ACSL6: variants seen among roughly 807,000 people sequenced by gnomAD.
ACSL6 encodes acyl-CoA synthetase long chain family member 6.
A neutral mutation model predicts 98.2 loss-of-function variants in ACSL6; 47 were observed. That is an observed-to-expected ratio of 0.48 (90% CI 0.38 to 0.61). The LOEUF (loss-of-function observed/expected upper bound fraction) is 0.61. Among genes scored for constraint, ACSL6 ranks in the 20% least tolerant of loss-of-function variants. ACSL6 has a pLI of 0.00. For synonymous variants in ACSL6, 362 were observed against 336.9 expected (o/e 1.07, Z -0.82); for missense variants, 761 against 913.4 (o/e 0.83, Z 2.15).
At position 131,981,119 on chromosome 5, in the gene ACSL6, G is replaced by A. The variant is rs564689934; in HGVS notation, c.916+4288C>T. On this transcript the variant is annotated intron_variant, in intron 9 of 20. Coordinates refer to ENST00000651883, the MANE Select transcript of ACSL6 (RefSeq NM_001009185.3). ...GGCCATCTCCTCCCTGGTACTTGGA[G>A]ACCTCCTTTCTCCCCCACCCACACC... is the stretch of plus-strand genomic sequence containing the variant. 5.9e-5 allele frequency among the ~76,000 whole-genome samples: 9 copies of A among 152,072 alleles called. No individual in the cohort carries two copies. In the East Asian group the frequency reaches 1.5e-3, roughly 26 times the overall value.
At chr5:131,961,467 C>T (rs1240640624) in intron 18 of ACSL6, among the ~76,000 whole-genome samples, 5 of 150,204 alleles carry the variant, frequency 3.3e-5, no homozygotes, top group Admixed American at 1.3e-4. Context: ...CTGAGGCAGG[C>T]ACAACACTTG....
In ACSL6 at chr5:131,973,033, C is replaced by T. The variant is rs551991234; in HGVS notation, c.1204-175G>A. Among the ~76,000 whole-genome samples, 45 of 152,262 alleles carry T rather than the reference C, an allele frequency of 3.0e-4. No individual in the cohort carries two copies. The South Asian group carries it at 9.1e-3, about 31-fold the overall frequency. On this transcript the variant is annotated intron_variant, in intron 12 of 20. Transcript: ENST00000651883. Reference sequence around the variant, plus strand: ...AAGGTTAACACTGCCAGGGTCCAGGCATGCTGTGAAGATGGAAGTTCCTGA... The same window carrying T: ...AAGGTTAACACTGCCAGGGTCCAGGTATGCTGTGAAGATGGAAGTTCCTGA...
Position 131,951,759 on chromosome 5 carries a change from G to C in ACSL6, c.*2475C>G, listed in dbSNP as rs1752171783. The C allele has an allele frequency of 1.9e-5, 3 of 161,782 alleles. No individual in the cohort carries two copies. The highest frequency in any genetic ancestry group is 4.1e-5 in the Non-Finnish European group (3 of 73,818). The allele number at this position is 161,782 out of a possible 1,614,324, so 10.0% of individuals were successfully genotyped here. Reference sequence around the variant, plus strand: ...CGCCACAACGCCCGGCTAATTTTTTGTATTTTTTTAGTAGAGACGGGGTTT... The same window carrying C: ...CGCCACAACGCCCGGCTAATTTTTTCTATTTTTTTAGTAGAGACGGGGTTT... On this transcript the variant is annotated 3_prime_UTR_variant, in exon 21 of 21. Coordinates refer to ENST00000651883, the MANE Select transcript of ACSL6 (RefSeq NM_001009185.3).
At chr5:132,006,122 C>T (rs1755394909) in intron 1 of ACSL6, among the ~76,000 whole-genome samples, 2 of 152,212 alleles carry the variant, frequency 1.3e-5, no homozygotes, top group South Asian at 2.1e-4. Flanking sequence ...GACGCCCCTA[C>T]TACATGCCTG....
Position 131,973,262 on chromosome 5 carries a change from T to C in ACSL6, c.1203+4A>G, listed in dbSNP as rs2149721850. 1 of 1,613,888 alleles carries C rather than the reference T, an allele frequency of 6.2e-7. No individual in the cohort carries two copies. The highest frequency in any genetic ancestry group is 8.5e-7 in the Non-Finnish European group (1 of 1,179,874). ...CCTGGCTGAAGACTCCCTGCAGAAC[T>C]TACCTTGTCGTACATCCGGTTCAGC... is the stretch of plus-strand genomic sequence containing the variant. On this transcript the variant is annotated splice_donor_region_variant and intron_variant, in intron 12 of 20. Transcript: ENST00000651883.
chr5:131,967,696 TA>T (rs1753091650), intron 16 of ACSL6, among the ~76,000 whole-genome samples: 2 of 144,664 alleles, frequency 1.4e-5, no homozygotes, highest in Admixed American at 1.4e-4. Context: ...ATAATAATAA[TA>T]ATTAATTAAT....
intron 20 of ACSL6, among the ~76,000 whole-genome samples, chr5:131,956,320 T>C (rs1020590922): frequency 2.0e-5 from 3 of 152,244 alleles, no homozygotes; most frequent in Admixed American, 1.3e-4. Flanking sequence ...ATTTGGAATA[T>C]TGCCGATCCA....
At chr5:131,975,810 AC>A (rs1230934274) in intron 10 of ACSL6, 4 of 985,056 alleles carry the variant, frequency 4.1e-6, no homozygotes, top group Non-Finnish European at 4.8e-6. Context: ...CCTGCTCTCC[AC>A]CCCTTTGCAG....
chr5:131,988,739 G>A, intron 6 of ACSL6, 66 bp downstream of exon 6: 2 of 1,576,128 alleles, frequency 1.3e-6, no homozygotes, highest in Non-Finnish European at 1.7e-6. Flanking sequence ...AGCATAACCT[G>A]AGAAGCTGGA....
At chr5:131,986,736 C>T in intron 8 of ACSL6, 86 bp downstream of exon 8, 2 of 1,515,368 alleles carry the variant, frequency 1.3e-6, no homozygotes, top group Non-Finnish European at 1.8e-6. Context: ...CACAGAGGTG[C>T]TGTTCTGTGC....
intron 10 of ACSL6, chr5:131,975,461 C>G: frequency 1.0e-6 from 1 of 985,428 alleles, no homozygotes; most frequent in South Asian, 4.7e-5. Context: ...AAGGTCTTGG[C>G]TAGTCAGCAC....
At position 131,981,334 on chromosome 5, in the gene ACSL6, A is replaced by C. The variant is rs529775883; in HGVS notation, c.916+4073T>G. Among the ~76,000 whole-genome samples, 1,005 of 151,320 alleles carry C rather than the reference A, an allele frequency of 6.6e-3. 4 individuals carry two copies. Among genetic ancestry groups the C allele is most frequent in the Middle Eastern group, 0.021 (6 of 290 alleles). ...CATAGTCAACTATTAAAAAAAAAAA[A>C]AAAAAAAAAAACACAACTTTCTCCT... On this transcript the variant is annotated intron_variant, in intron 9 of 20. Coordinates refer to ENST00000651883, the MANE Select transcript of ACSL6 (RefSeq NM_001009185.3).
intron 20 of ACSL6, among the ~76,000 whole-genome samples, chr5:131,957,457 T>C (rs1446398916): frequency 1.3e-5 from 2 of 152,262 alleles, no homozygotes; most frequent in African/African-American, 4.8e-5. Flanking sequence ...TTAAAATATA[T>C]CTTCCAAAGA....
At chr5:131,971,984 A>C (rs751533140) in intron 13 of ACSL6, among the ~76,000 whole-genome samples, 7 of 152,232 alleles carry the variant, frequency 4.6e-5, no homozygotes, top group Non-Finnish European at 8.8e-5. Flanking sequence ...CATCATTGAC[A>C]AGAATCCAAA....
At position 131,988,791 on chromosome 5, in the gene ACSL6, G is replaced by A. The variant is rs1342235550; in HGVS notation, c.652+14C>T. 1 of 1,612,668 alleles carries A rather than the reference G, an allele frequency of 6.2e-7. No individual in the cohort carries two copies. The highest frequency in any genetic ancestry group is 1.3e-5 in the African/African-American group (1 of 74,878). On this transcript the variant is annotated intron_variant, in intron 6 of 20. Coordinates refer to ENST00000651883, the MANE Select transcript of ACSL6 (RefSeq NM_001009185.3). Reference sequence around the variant, plus strand: ...CCAGTTGCCAGTGGCAGGGTGGGGTGGCAGTGGGCTTACCTGTATTGATGA... The same window carrying A: ...CCAGTTGCCAGTGGCAGGGTGGGGTAGCAGTGGGCTTACCTGTATTGATGA...
intron 9 of ACSL6, among the ~76,000 whole-genome samples, chr5:131,981,300 C>A (rs1452783678): frequency 1.3e-5 from 2 of 149,590 alleles, no homozygotes; most frequent in African/African-American, 5.0e-5. Context: ...TTGCTCCCTG[C>A]CATACCTTCA....
At chr5:131,981,067 C>G (rs1003741597) in intron 9 of ACSL6, among the ~76,000 whole-genome samples, 3 of 152,142 alleles carry the variant, frequency 2.0e-5, no homozygotes, top group Non-Finnish European at 2.9e-5. Flanking sequence ...CTCCCAGACT[C>G]TTCTCTTACC....
chr5:131,978,046 T>G (rs749514585), intron 9 of ACSL6, among the ~76,000 whole-genome samples: 1 of 152,220 alleles, frequency 6.6e-6, no homozygotes, highest in Non-Finnish European at 1.5e-5. Flanking sequence ...TCCCTGCAGC[T>G]GGGAGACCCA....
chr5:131,959,900 G>T, intron 19 of ACSL6: 2 of 425,860 alleles, frequency 4.7e-6, no homozygotes, highest in South Asian at 5.5e-5. Context: ...CCCTAGATGA[G>T]CCCAGGGCCC....
Sources: allele counts gnomAD v4.1 joint callset (sites outside exome capture counted in the v4.1 genomes callset), GRCh38; gene constraint gnomAD v4.1.1; transcripts MANE v1.5; gene names NCBI Gene and HGNC (gene_info 2026-07-23, HGNC 2026-07-21).